The following ARMC9 variants were observed in gnomAD, a reference collection of about 807,000 sequenced individuals.
The protein encoded by ARMC9 is armadillo repeat containing 9, also known as lisH domain-containing protein ARMC9.
A neutral mutation model predicts 107.0 loss-of-function variants in ARMC9; 94 were observed. The ratio of observed to expected loss-of-function variants is 0.88; its 90% CI spans 0.74 to 1.04. The LOEUF (loss-of-function observed/expected upper bound fraction) is 1.04, where lower values mean the gene tolerates loss of function less well. Ranked by LOEUF, ARMC9 falls within the 50% of genes least tolerant of loss-of-function variation. ARMC9 has a pLI of 0.00. For synonymous variants in ARMC9, 380 were observed against 396.9 expected (o/e 0.96, Z 0.51); for missense variants, 942 against 1,030.1 (o/e 0.91, Z 1.17).
chr2:231,345,108 G>A lies in ARMC9; in HGVS notation c.1994+18G>A. 1 of 1,609,398 alleles carries A rather than the reference G, an allele frequency of 6.2e-7. No homozygotes were observed. The highest frequency in any genetic ancestry group is 8.5e-7 in the Non-Finnish European group (1 of 1,178,894). On this transcript the variant is annotated intron_variant, in intron 21 of 24. Coordinates refer to ENST00000611582, the MANE Select transcript of ARMC9 (RefSeq NM_001352754.2). ...TACCCAGTGTAAGTCAGGGCTAAAGGAAGCGGGAATTGACTTTCTTAAGCT... is the reference window on the plus strand; with the variant it reads ...TACCCAGTGTAAGTCAGGGCTAAAGAAAGCGGGAATTGACTTTCTTAAGCT...
At position 231,273,222 on chromosome 2, in the gene ARMC9, A is replaced by G. The variant is rs116627942; in HGVS notation, c.1334+144A>G. ...TTTCTAAGACAGAGCTAGAAAGCTT[A>G]TCTGTAATCCACTAAACTATCCTGC... On this transcript the variant is annotated intron_variant, in intron 14 of 24. Coordinates refer to ENST00000611582, the MANE Select transcript of ARMC9 (RefSeq NM_001352754.2). 1.6e-3 allele frequency: 1,867 copies of G among 1,166,196 alleles called. 31 individuals carry two copies. In the African/African-American group the frequency reaches 0.026, roughly 16 times the overall value. 72.2% of individuals were successfully genotyped at this position (1,166,196 alleles called of 1,614,324 possible). A position where few individuals can be genotyped will look rare whatever the true frequency, so the allele number is the denominator to read the frequency against.
chr2:231,314,591 G>A (rs1181773160), intron 19 of ARMC9, among the ~76,000 whole-genome samples: 1 of 152,200 alleles, frequency 6.6e-6, no homozygotes, highest in African/African-American at 2.4e-5. Flanking sequence ...TGGGTGTTTA[G>A]CGGCATCCAT....
At chr2:231,222,043 C>T (rs2125332893) in intron 5 of ARMC9, among the ~76,000 whole-genome samples, 1 of 152,092 alleles carries the variant, frequency 6.6e-6, no homozygotes, top group Non-Finnish European at 1.5e-5. Context: ...AGTGGCTTCG[C>T]TGCATTTTTG....
At chr2:231,314,537 T>C (rs2042553073) in intron 19 of ARMC9, among the ~76,000 whole-genome samples, 1 of 152,240 alleles carries the variant, frequency 6.6e-6, no homozygotes, top group Non-Finnish European at 1.5e-5. Context: ...ATTGACATTT[T>C]GGGCCAGATA....
intron 20 of ARMC9, among the ~76,000 whole-genome samples, chr2:231,339,071 TG>T (rs1190113891): frequency 2.6e-5 from 4 of 152,226 alleles, no homozygotes; most frequent in Non-Finnish European, 5.9e-5. Flanking sequence ...GGCTCACGCC[TG>T]TAATCCCAGC....
At position 231,271,024 on chromosome 2, in the gene ARMC9, C is replaced by T. The variant is rs200265998; in HGVS notation, c.1162C>T (p.Arg388Trp). The change falls in exon 13 of 25, where the codon CGG becomes TGG. Residue 388 changes from arginine (R) to tryptophan (W), a missense_variant. Arg to Trp is a moderately radical substitution (Grantham distance 101). Transcript: ENST00000611582. ...GCTGCACTCCACGAGCGACGTGGTG[C>T]GGCAGTACATGGCCAGGCTCATCAA... Reference protein sequence around the residue: ...QLLHSTSDVVRQYMARLINAF... With the variant: ...QLLHSTSDVVWQYMARLINAF... 8 of 1,614,120 alleles carry T rather than the reference C, an allele frequency of 5.0e-6. No individual in the cohort carries two copies. The highest frequency in any genetic ancestry group is 2.2e-5 in the East Asian group (1 of 44,890).
At chr2:231,345,640 G>A (rs1241316704) in intron 21 of ARMC9, among the ~76,000 whole-genome samples, 2 of 152,126 alleles carry the variant, frequency 1.3e-5, no homozygotes, top group African/African-American at 4.8e-5. Flanking sequence ...ACCCCTTGTG[G>A]GCTAAGGAGC....
chr2:231,355,417 C>A (rs145644391), intron 21 of ARMC9, among the ~76,000 whole-genome samples: 1 of 152,354 alleles, frequency 6.6e-6, no homozygotes, highest in African/African-American at 2.4e-5. Flanking sequence ...GTTATGTCTT[C>A]TCTGGTTGGA....
chr2:231,366,741 T>G (rs1228871736), intron 23 of ARMC9, among the ~76,000 whole-genome samples: 9 of 151,008 alleles, frequency 6.0e-5, no homozygotes, highest in Non-Finnish European at 1.0e-4. Flanking sequence ...CTCGGGAGGC[T>G]GAGGCAGGAG....
intron 10 of ARMC9, 123 bp downstream of exon 10, chr2:231,256,743 C>T: frequency 1.0e-6 from 1 of 987,850 alleles, no homozygotes. Flanking sequence ...GCTAGAGCTA[C>T]ATGTGAATAT....
intron 18 of ARMC9, chr2:231,295,300 C>T (rs905028479): frequency 1.1e-4 from 17 of 152,330 alleles, no homozygotes; most frequent in African/African-American, 3.9e-4. Flanking sequence ...AGAGACGAGT[C>T]AGTAAGCATT....
At chr2:231,355,732 C>A in intron 21 of ARMC9, 66 bp from the exon 22 acceptor site, 1 of 1,308,814 alleles carries the variant, frequency 7.6e-7, no homozygotes, top group Non-Finnish European at 9.9e-7. Flanking sequence ...ATGCTGCAGT[C>A]GGCAGTCGGC....
intron 21 of ARMC9, among the ~76,000 whole-genome samples, chr2:231,345,980 C>G (rs947255695): frequency 6.6e-6 from 1 of 152,158 alleles, no homozygotes; most frequent in African/African-American, 2.4e-5. Context: ...ACCAGGGACA[C>G]CAGGCAAGAC....
intron 1 of ARMC9, among the ~76,000 whole-genome samples, chr2:231,205,655 A>C (rs2031868555): frequency 6.6e-6 from 1 of 152,234 alleles, no homozygotes; most frequent in Non-Finnish European, 1.5e-5. Context: ...GCCGCTGAAC[A>C]AATGACCATA....
At chr2:231,285,719 G>GGA (rs950346307) in intron 17 of ARMC9, among the ~76,000 whole-genome samples, 11 of 152,102 alleles carry the variant, frequency 7.2e-5, no homozygotes, top group African/African-American at 2.7e-4. Context: ...AAGCCAGGGA[G>GGA]GAACCCCCTT....
intron 19 of ARMC9, among the ~76,000 whole-genome samples, chr2:231,312,822 A>G (rs938421781): frequency 7.2e-5 from 11 of 152,322 alleles, no homozygotes; most frequent in South Asian, 2.1e-4. Context: ...TAAGGACTCA[A>G]TGAACTAATC....
intron 9 of ARMC9, among the ~76,000 whole-genome samples, chr2:231,246,685 T>A (rs2036796903): frequency 6.6e-6 from 1 of 152,336 alleles, no homozygotes; most frequent in Middle Eastern, 3.4e-3. Flanking sequence ...TGTGTCTTTT[T>A]GGTAGAACGA....
intron 20 of ARMC9, among the ~76,000 whole-genome samples, chr2:231,339,109 CA>C (rs2044323821): frequency 6.6e-6 from 1 of 152,102 alleles, no homozygotes; most frequent in East Asian, 1.9e-4. Context: ...GCGGGCAGAT[CA>C]CGAGGTCAGG....
intron 17 of ARMC9, among the ~76,000 whole-genome samples, chr2:231,290,498 C>T (rs976803697): frequency 1.3e-5 from 2 of 152,200 alleles, no homozygotes; most frequent in Non-Finnish European, 2.9e-5. Context: ...ACTCCACTTC[C>T]TCTGTTTTGA....
Sources: allele counts gnomAD v4.1 joint callset (sites outside exome capture counted in the v4.1 genomes callset), GRCh38; gene constraint gnomAD v4.1.1; transcripts MANE v1.5; gene names NCBI Gene and HGNC (gene_info 2026-07-23, HGNC 2026-07-21).